Variants in FER1L6 observed in about 807,000 individuals in gnomAD.
The protein encoded by FER1L6 is fer-1 like family member 6.
FER1L6 carries 177 observed loss-of-function variants against 219.2 expected under a neutral mutation model. The observed-to-expected ratio is 0.81, with a 90% CI of 0.71 to 0.91. The LOEUF is 0.91. FER1L6 is among the 40% of genes least tolerant of loss of function. The pLI is 0.00. For synonymous variants in FER1L6, 768 were observed against 824.3 expected (o/e 0.93, Z 1.17); for missense variants, 2,153 against 2,259.9 (o/e 0.95, Z 0.96).
intron 1 of FER1L6, chr8:123,925,977 C>G (rs555916141): frequency 6.6e-6 from 1 of 152,204 alleles, no homozygotes; most frequent in Non-Finnish European, 1.5e-5. Context: ...ACAAGTGGCA[C>G]ATCTGTGAAA....
intron 1 of FER1L6, among the ~76,000 whole-genome samples, chr8:123,877,391 T>C (rs1308548365): frequency 6.6e-6 from 1 of 152,198 alleles, no homozygotes; most frequent in African/African-American, 2.4e-5. Flanking sequence ...TATTTTTCTG[T>C]ATAAAATGGT....
chr8:123,901,942 A>G (rs529021107), intron 1 of FER1L6, among the ~76,000 whole-genome samples: 13 of 152,002 alleles, frequency 8.6e-5, no homozygotes, highest in African/African-American at 3.1e-4. Flanking sequence ...GGAGGGTCTC[A>G]ATCTCCAGAC....
intron 27 of FER1L6, 139 bp downstream of exon 27, chr8:124,066,689 G>C (rs1426793594): frequency 4.0e-6 from 4 of 993,840 alleles, no homozygotes; most frequent in Admixed American, 2.8e-5. Context: ...GTTAACTGCA[G>C]AAAGGTAAAA....
At chr8:123,904,065 A>G (rs1312017044) in intron 1 of FER1L6, among the ~76,000 whole-genome samples, 2 of 152,156 alleles carry the variant, frequency 1.3e-5, no homozygotes, top group African/African-American at 4.8e-5. Context: ...CTTCAAGAAC[A>G]CAGGGCAGTA....
chr8:123,886,133 G>A (rs143809913), intron 1 of FER1L6, among the ~76,000 whole-genome samples: 133 of 152,210 alleles, frequency 8.7e-4, no homozygotes, highest in Admixed American at 3.3e-3. Context: ...ATAATTGCTC[G>A]ATTCCTTATA....
intron 1 of FER1L6, among the ~76,000 whole-genome samples, chr8:123,919,334 G>T (rs62518687): frequency 0.15 from 23,150 of 152,232 alleles, 1,811 homozygotes; most frequent in Middle Eastern, 0.21. Context: ...GGGCTTCCTT[G>T]TAGGGAGGAC....
At chr8:123,931,656 C>G (rs1813775804) in intron 1 of FER1L6, among the ~76,000 whole-genome samples, 1 of 152,200 alleles carries the variant, frequency 6.6e-6, no homozygotes. Context: ...TGAGATTGAA[C>G]AGAGCCTGAG....
At position 124,064,489 on chromosome 8, in the gene FER1L6, G is replaced by A. The variant is rs1333514954; in HGVS notation, c.3471G>A (p.Leu1157=). 1 of 1,614,014 alleles carries A rather than the reference G, an allele frequency of 6.2e-7. No individual in the cohort carries two copies. Among genetic ancestry groups the A allele is most frequent in the East Asian group, 2.2e-5 (1 of 44,876 alleles). Residue 1157 remains leucine, a synonymous_variant, in exon 26 of 41, where the codon CTG becomes CTA. Transcript: ENST00000522917. ...CTGCCCAGGCCCAGCCGGCCATCCT[G>A]GTTGACGTCCCTGACTCATCCCCGA... ...PDSAQAQPAI[L]VDVPDSSPML... is the part of the protein sequence containing the mutation.
chr8:123,877,806 C>T (rs6470197), intron 1 of FER1L6, among the ~76,000 whole-genome samples: 114,010 of 151,256 alleles, frequency 0.75, 43,033 homozygotes, highest in South Asian at 0.86. Flanking sequence ...TCCAGTGAGA[C>T]TGATTTTTTT....
Position 123,994,447 on chromosome 8 carries a change from G to C in FER1L6, c.1519+8271G>C, listed in dbSNP as rs190657296. Among the ~76,000 whole-genome samples, 5 of 152,262 alleles carry C rather than the reference G, an allele frequency of 3.3e-5. No homozygotes were observed. The South Asian group carries it at 1.0e-3, about 32-fold the overall frequency. ...GTACGGAAGAGTCCAGAGAAGGAGTGGGGGGTAGCATGCAGCAGTAAGCCC... is the reference window on the plus strand; with the variant it reads ...GTACGGAAGAGTCCAGAGAAGGAGTCGGGGGTAGCATGCAGCAGTAAGCCC... On this transcript the variant is annotated intron_variant, in intron 12 of 40. Coordinates refer to ENST00000522917, the MANE Select transcript of FER1L6 (RefSeq NM_001039112.2).
chr8:124,067,590 T>C (rs1272249330), intron 27 of FER1L6, among the ~76,000 whole-genome samples, 177 bp from the exon 28 acceptor site: 2 of 152,202 alleles, frequency 1.3e-5, no homozygotes, highest in Admixed American at 1.3e-4. Flanking sequence ...GGGCATCCTA[T>C]TGGGCTTAAC....
At chr8:123,943,345 C>G (rs1814340564) in intron 1 of FER1L6, among the ~76,000 whole-genome samples, 1 of 152,144 alleles carries the variant, frequency 6.6e-6, no homozygotes, top group Admixed American at 6.5e-5. Context: ...TTACCTGCAC[C>G]TGACTTGAAA....
At chr8:124,047,960 C>T (rs553439209) in intron 21 of FER1L6, among the ~76,000 whole-genome samples, 2 of 152,140 alleles carry the variant, frequency 1.3e-5, no homozygotes, top group African/African-American at 4.8e-5. Flanking sequence ...AAATTGGTTG[C>T]TTGGGCTATG....
chr8:124,112,877 GA>G (rs1823079246), intron 39 of FER1L6, among the ~76,000 whole-genome samples: 2 of 152,174 alleles, frequency 1.3e-5, no homozygotes, highest in African/African-American at 4.8e-5. Context: ...AGATTTTTAA[GA>G]TAGGGTGTAT....
At chr8:124,071,800 T>C (rs1056737593) in intron 31 of FER1L6, among the ~76,000 whole-genome samples, 169 bp downstream of exon 31, 4 of 152,152 alleles carry the variant, frequency 2.6e-5, no homozygotes, top group Non-Finnish European at 5.9e-5. Flanking sequence ...TTGTGAGGCC[T>C]CTCTTGCTGG....
In FER1L6 at chr8:123,852,634, A is replaced by G. The variant is rs1417875709; in HGVS notation, c.-8+449A>G. On this transcript the variant is annotated intron_variant, in intron 1 of 40. Coordinates refer to ENST00000522917, the MANE Select transcript of FER1L6 (RefSeq NM_001039112.2). The surrounding 1 kb of genome is among the most constrained non-coding windows in gnomAD (Gnocchi z 4.9). ...TAGAAAATGTGGGGCCTCTCACAAG[A>G]TTGTTAGACTTTTAAAACATAAATT... Among the ~76,000 whole-genome samples the G allele has an allele frequency of 6.6e-6, 1 of 152,122 alleles. No homozygotes were observed. The highest frequency in any genetic ancestry group is 1.5e-5 in the Non-Finnish European group (1 of 68,016).
At chr8:124,069,299 G>A (rs1820964284) in intron 28 of FER1L6, 61 bp from the exon 29 acceptor site, 1 of 1,213,334 alleles carries the variant, frequency 8.2e-7, no homozygotes, top group Non-Finnish European at 1.2e-6. Flanking sequence ...GAAGGAGCTT[G>A]GCTTTGTTCC....
intron 1 of FER1L6, among the ~76,000 whole-genome samples, chr8:123,927,889 T>C (rs1017250256): frequency 6.6e-6 from 1 of 152,256 alleles, no homozygotes; most frequent in Non-Finnish European, 1.5e-5. Flanking sequence ...TCACAGTGTT[T>C]ATTGTCTGGC....
intron 1 of FER1L6, among the ~76,000 whole-genome samples, chr8:123,854,074 C>T (rs1816581436): frequency 6.6e-6 from 1 of 152,170 alleles, no homozygotes; most frequent in South Asian, 2.1e-4. Flanking sequence ...GTCTCTTCAT[C>T]TATAAAATGA....
Sources: gnomAD v4.1 joint callset for allele counts (sites outside exome capture counted in the v4.1 genomes callset) on GRCh38, gnomAD v4.1.1 for gene constraint, Gnocchi (gnomAD v3.1) non-coding constraint, MANE v1.5 for transcripts, NCBI Gene and HGNC (gene_info 2026-07-23, HGNC 2026-07-21) for gene names.